Variants in ADAMTS10 observed in about 807,000 individuals in gnomAD.
ADAMTS10 encodes the protein ADAM metallopeptidase with thrombospondin type 1 motif 10.
ADAMTS10 carries 48 observed loss-of-function variants against 135.9 expected under a neutral mutation model. The observed-to-expected ratio is 0.35, with a 90% CI of 0.28 to 0.45. The LOEUF (loss-of-function observed/expected upper bound fraction) is 0.45, where lower values mean the gene tolerates loss of function less well. Ranked by LOEUF, ADAMTS10 falls within the 20% of genes least tolerant of loss-of-function variation. The pLI is 1.00. For synonymous variants in ADAMTS10, 621 were observed against 647.5 expected (o/e 0.96, Z 0.62); for missense variants, 1,131 against 1,565.2 (o/e 0.72, Z 4.68).
intron 6 of ADAMTS10, among the ~76,000 whole-genome samples, chr19:8,598,869 C>T (rs1316889002): frequency 3.3e-5 from 5 of 151,482 alleles, no homozygotes; most frequent in Admixed American, 6.6e-5. Flanking sequence ...GCCACTGCAC[C>T]GGGCTGGAAA....
chr19:8,602,039 A>G (rs948982466), intron 5 of ADAMTS10, among the ~76,000 whole-genome samples: 1 of 152,158 alleles, frequency 6.6e-6, no homozygotes, highest in African/African-American at 2.4e-5. Context: ...GTGTGCTTGG[A>G]CAACGTGTTG....
chr19:8,607,455 G>GTT (rs1486703220), intron 2 of ADAMTS10, among the ~76,000 whole-genome samples: 2 of 152,114 alleles, frequency 1.3e-5, no homozygotes, highest in Admixed American at 6.6e-5. Context: ...CCCCAGGCCA[G>GTT]CCTGCCGCAG....
chr19:8,598,584 T>C (rs1429034239), intron 6 of ADAMTS10, among the ~76,000 whole-genome samples: 1 of 140,252 alleles, frequency 7.1e-6, no homozygotes, highest in Admixed American at 7.1e-5. Context: ...TTTTTTTTTT[T>C]TTTTTTTTTG....
Position 8,605,132 on chromosome 19 carries a change from C to T in ADAMTS10, c.315G>A (p.Glu105=). ...AGGCCAGGCCCTCCCGTGTCCAGTA[C>T]TCCACGGAGACGTGCCCTGCCAGTA... ...SRLLAGHVSV[E]YWTREGLAWQ... Residue 105 remains glutamate, a synonymous_variant, in exon 4 of 26, where the codon GAG becomes GAA. Transcript: ENST00000597188. The surrounding 1 kb of genome is among the most constrained non-coding windows in gnomAD (Gnocchi z 7.7). 1 of 1,613,742 alleles carries T rather than the reference C, an allele frequency of 6.2e-7. No individual in the cohort carries two copies. Among genetic ancestry groups the T allele is most frequent in the Admixed American group, 1.7e-5 (1 of 60,008 alleles).
intron 5 of ADAMTS10, 40 bp downstream of exon 5, chr19:8,603,688 C>T (rs782317709): frequency 6.2e-6 from 10 of 1,613,130 alleles, no homozygotes; most frequent in African/African-American, 1.3e-5. Context: ...GGGAAAGATA[C>T]TGTGTAGCCC....
chr19:8,591,308 C>G (rs567880558), intron 15 of ADAMTS10, among the ~76,000 whole-genome samples: 3 of 151,296 alleles, frequency 2.0e-5, no homozygotes, highest in African/African-American at 7.3e-5. Flanking sequence ...CTGGAAGGAG[C>G]CAGGTCTTTA....
At chr19:8,591,900 G>A in intron 14 of ADAMTS10, 37 bp from the exon 15 acceptor site, 1 of 1,612,464 alleles carries the variant, frequency 6.2e-7, no homozygotes. Context: ...GGATGAGGCA[G>A]TGGGCGATGG....
At chr19:8,590,029 T>G in intron 15 of ADAMTS10, 38 bp from the exon 16 acceptor site, 15 of 1,461,708 alleles carry the variant, frequency 1.0e-5, no homozygotes, top group Non-Finnish European at 1.4e-5. Flanking sequence ...GAGGCCAGGC[T>G]TGGGGGGATG....
chr19:8,607,713 C>G (rs535521189), intron 2 of ADAMTS10, among the ~76,000 whole-genome samples: 7 of 152,086 alleles, frequency 4.6e-5, no homozygotes, highest in Non-Finnish European at 7.3e-5. Context: ...CTGCTTGGAT[C>G]CCTCTAGTGA....
At chr19:8,588,334 C>T (rs2042467934) in intron 18 of ADAMTS10, among the ~76,000 whole-genome samples, 1 of 152,038 alleles carries the variant, frequency 6.6e-6, no homozygotes, top group Admixed American at 6.6e-5. Flanking sequence ...GATCCTCCCG[C>T]TTCAGCCTCC....
rs113393612 is a variant in ADAMTS10 at position 8,588,256 on chromosome 19, T to A, written c.2158+986A>T. Among the ~76,000 whole-genome samples, 1,218 of 145,508 alleles carry A rather than the reference T, an allele frequency of 8.4e-3. 16 individuals carry two copies. Among genetic ancestry groups the A allele is most frequent in the African/African-American group, 0.019 (738 of 38,300 alleles). On this transcript the variant is annotated intron_variant, in intron 18 of 25. Coordinates refer to ENST00000597188, the MANE Select transcript of ADAMTS10 (RefSeq NM_030957.4). ...GATTGAGACTCTGTCTCAAAAAAAATTTTTTTTTTTGTAGAGTTGGGGTCT... is the reference window on the plus strand; with the variant it reads ...GATTGAGACTCTGTCTCAAAAAAAAATTTTTTTTTTGTAGAGTTGGGGTCT...
intron 12 of ADAMTS10, among the ~76,000 whole-genome samples, chr19:8,594,690 C>T (rs144662975): frequency 4.8e-4 from 73 of 152,264 alleles, no homozygotes; most frequent in African/African-American, 1.7e-3. Context: ...TCCTCTGTAA[C>T]GTGGGGGCTA....
At position 8,607,960 on chromosome 19, in the gene ADAMTS10, G is replaced by A. The variant is rs531883702; in HGVS notation, c.-100+174C>T. ...CGAGTAGCTGGGACTACAGGTGTGCGCCACCATGCCCAGCTAATTTTTGTA... is the reference window on the plus strand; with the variant it reads ...CGAGTAGCTGGGACTACAGGTGTGCACCACCATGCCCAGCTAATTTTTGTA... On this transcript the variant is annotated intron_variant, in intron 2 of 25. Coordinates refer to ENST00000597188, the MANE Select transcript of ADAMTS10 (RefSeq NM_030957.4). Among the ~76,000 whole-genome samples the A allele has an allele frequency of 2.6e-3, 393 of 151,814 alleles. 2 individuals are homozygous for A. Among genetic ancestry groups the A allele is most frequent in the Middle Eastern group, 0.01 (3 of 294 alleles).
intron 15 of ADAMTS10, 75 bp from the exon 16 acceptor site, chr19:8,590,066 A>G: frequency 9.3e-7 from 1 of 1,078,306 alleles, no homozygotes; most frequent in Non-Finnish European, 1.4e-6. Context: ...GCTCAGAGAA[A>G]GATGGGCTGG....
intron 25 of ADAMTS10, among the ~76,000 whole-genome samples, chr19:8,582,266 G>A (rs1030416942): frequency 1.3e-5 from 2 of 151,732 alleles, no homozygotes; most frequent in Admixed American, 6.6e-5. Flanking sequence ...TCAGGAGATC[G>A]AGACCATCCT....
chr19:8,606,468 C>T (rs773064368), intron 2 of ADAMTS10, among the ~76,000 whole-genome samples: 2 of 152,142 alleles, frequency 1.3e-5, no homozygotes, highest in African/African-American at 4.8e-5. Flanking sequence ...ATGGCGCAAT[C>T]GCGGCTCACT....
rs569521509 is a variant in ADAMTS10 at position 8,591,868 on chromosome 19, A to G, written c.1734-5T>C. 1.1e-5 allele frequency: 18 copies of G among 1,613,316 alleles called. No homozygotes were observed. In the African/African-American group the frequency reaches 2.0e-4, roughly 18 times the overall value. ...TACTTGCCCCCGATGGTTGGCCTGG[A>G]AAGGGTGGTGGGATAGGAGAGGGAT... On this transcript the variant is annotated splice_region_variant and splice_polypyrimidine_tract_variant and intron_variant, in intron 14 of 25. Transcript: ENST00000597188.
Position 8,586,344 on chromosome 19 carries a change from C to T in ADAMTS10, c.2530G>A (p.Gly844Ser), listed in dbSNP as rs782582642. ...TGCCTTCCCCCACCCCCGGCCTCAC[C>T]GCCTGCACACTGGGCCGAGCACTTG... The part of the protein sequence containing the change: ...WTKCSAQCAG[G>S]SQVQAVECRN... Residue 844 changes from glycine (G) to serine (S), a missense_variant and splice_region_variant, in exon 21 of 26, where the codon GGT becomes AGT. Coordinates refer to ENST00000597188, the MANE Select transcript of ADAMTS10 (RefSeq NM_030957.4). 5 of 1,613,718 alleles carry T rather than the reference C, an allele frequency of 3.1e-6. No homozygotes were observed. The highest frequency in any genetic ancestry group is 4.2e-6 in the Non-Finnish European group (5 of 1,179,924).
chr19:8,595,699 C>CCCCA, intron 12 of ADAMTS10, 63 bp downstream of exon 12: 2 of 799,692 alleles, frequency 2.5e-6, no homozygotes, highest in Non-Finnish European at 4.0e-6. Flanking sequence ...TGGTGGAGTT[C>CCCCA]CCTCCCCCAG....
Sources: allele counts gnomAD v4.1 joint callset (sites outside exome capture counted in the v4.1 genomes callset), GRCh38; gene constraint gnomAD v4.1.1; non-coding constraint Gnocchi (gnomAD v3.1); transcripts MANE v1.5; gene names NCBI Gene and HGNC (gene_info 2026-07-23, HGNC 2026-07-21).